PRKN: variants seen among roughly 807,000 people sequenced by gnomAD.
PRKN encodes E3 ubiquitin-protein ligase parkin.
A neutral mutation model predicts 59.5 loss-of-function variants in PRKN; 56 were observed. The observed-to-expected ratio is 0.94, with a 90% CI of 0.76 to 1.18. PRKN has a LOEUF of 1.18. Among genes scored for constraint, PRKN ranks in the 50% most tolerant of loss-of-function variants. The pLI, the probability that PRKN is intolerant of heterozygous loss-of-function variation, is 0.00. For missense variants in PRKN, 657 were observed against 596.4 expected (o/e 1.10, Z -1.06); for synonymous variants, 250 against 222.1 (o/e 1.13, Z -1.12).
chr6:162,261,159 A>T (rs1246374255), intron 3 of PRKN, among the ~76,000 whole-genome samples: 1 of 152,132 alleles, frequency 6.6e-6, no homozygotes, highest in Non-Finnish European at 1.5e-5. Flanking sequence ...CTTCTCAAGG[A>T]TCAGAGTCTC....
intron 2 of PRKN, among the ~76,000 whole-genome samples, chr6:162,306,814 A>G (rs572084897): frequency 3.9e-5 from 6 of 152,274 alleles, no homozygotes; most frequent in Admixed American, 3.9e-4. Flanking sequence ...CAGAGCTAAG[A>G]GCAACTGTTT....
chr6:162,481,919 AAATT>A (rs1179795074), intron 1 of PRKN, among the ~76,000 whole-genome samples: 1 of 152,264 alleles, frequency 6.6e-6, no homozygotes, highest in Admixed American at 6.5e-5. Context: ...CCTCAGACTG[AAATT>A]ATTATAACAT....
chr6:162,136,531 C>T (rs750495515), intron 4 of PRKN, among the ~76,000 whole-genome samples: 5 of 152,088 alleles, frequency 3.3e-5, no homozygotes, highest in Non-Finnish European at 7.3e-5. Context: ...CTAGAATTTA[C>T]CAGGTATGTA....
chr6:162,666,109 AG>A (rs1779090677), intron 1 of PRKN, among the ~76,000 whole-genome samples: 1 of 152,208 alleles, frequency 6.6e-6, no homozygotes, highest in Non-Finnish European at 1.5e-5. Flanking sequence ...AATACCATTC[AG>A]GACATAGGCA....
chr6:162,505,495 G>A (rs894937018), intron 1 of PRKN, among the ~76,000 whole-genome samples: 5 of 152,096 alleles, frequency 3.3e-5, no homozygotes, highest in African/African-American at 4.8e-5. Flanking sequence ...GCTGGCAGTG[G>A]GACGCAGCAA....
chr6:162,679,109 T>TATTTATTTATTTATTTATGA (rs780065550), intron 1 of PRKN, among the ~76,000 whole-genome samples: 1 of 148,412 alleles, frequency 6.7e-6, no homozygotes, highest in East Asian at 1.9e-4. Flanking sequence ...TTTATTTATT[T>TATTTATTTATTTATTTATGA]ATGAATGAAT....
At chr6:161,667,175 C>T (rs916220282) in intron 7 of PRKN, among the ~76,000 whole-genome samples, 9 of 152,188 alleles carry the variant, frequency 5.9e-5, no homozygotes, top group African/African-American at 2.2e-4. Context: ...ATAGAAAACT[C>T]AGCAGGAGTT....
chr6:161,979,307 CT>C (rs1231496035), intron 5 of PRKN, among the ~76,000 whole-genome samples: 16 of 152,174 alleles, frequency 1.1e-4, no homozygotes, highest in Non-Finnish European at 1.3e-4. Context: ...CGGTCTCCCC[CT>C]GTAACCCAGG....
At chr6:162,354,457 A>G (rs1784759320) in intron 2 of PRKN, among the ~76,000 whole-genome samples, 1 of 152,078 alleles carries the variant, frequency 6.6e-6, no homozygotes, top group Admixed American at 6.6e-5. Flanking sequence ...GAGTAATATA[A>G]CAGATTATAG....
rs552016129 is a variant in PRKN, at chr6:161,703,244, C to G, written c.871+82528G>C. 4.9e-4 allele frequency among the ~76,000 whole-genome samples: 75 copies of G among 152,182 alleles called. 1 individual carries two copies. Among genetic ancestry groups the G allele is most frequent in the African/African-American group, 1.8e-3 (74 of 41,542 alleles). On this transcript the variant is annotated intron_variant, in intron 7 of 11. Transcript: ENST00000366898. Reference sequence around the variant, plus strand: ...TCTTGAGCCTAGGAGTTTGAGGCTACAGTGAGCCATGATCACTCCAGCCAG... The same window carrying G: ...TCTTGAGCCTAGGAGTTTGAGGCTAGAGTGAGCCATGATCACTCCAGCCAG...
intron 1 of PRKN, among the ~76,000 whole-genome samples, chr6:162,482,575 C>G (rs1792355900): frequency 6.6e-6 from 1 of 152,082 alleles, no homozygotes; most frequent in Admixed American, 6.5e-5. Flanking sequence ...ATATTGGAAT[C>G]AAAAGTAACT....
chr6:161,424,089 C>T (rs1279271606), intron 9 of PRKN, among the ~76,000 whole-genome samples: 1 of 152,130 alleles, frequency 6.6e-6, no homozygotes, highest in African/African-American at 2.4e-5. Flanking sequence ...GTAATCCCAG[C>T]ACTTTCGGAG....
At chr6:162,642,225 A>G (rs1329152263) in intron 1 of PRKN, among the ~76,000 whole-genome samples, 3 of 152,168 alleles carry the variant, frequency 2.0e-5, no homozygotes, top group African/African-American at 7.2e-5. Context: ...AAAATACACA[A>G]CACATACCTT....
At chr6:161,829,113 C>T (rs1792368706) in intron 6 of PRKN, among the ~76,000 whole-genome samples, 1 of 152,088 alleles carries the variant, frequency 6.6e-6, no homozygotes, top group Non-Finnish European at 1.5e-5. Context: ...GTAATCCCAG[C>T]TACTTGGGAG....
intron 1 of PRKN, among the ~76,000 whole-genome samples, chr6:162,468,888 T>C (rs1791570396): frequency 1.3e-5 from 2 of 152,194 alleles, no homozygotes; most frequent in East Asian, 1.9e-4. Context: ...ATGAGAATTT[T>C]AGGGGAAAAA....
At chr6:162,299,346 C>T (rs1035320761) in intron 2 of PRKN, among the ~76,000 whole-genome samples, 1 of 152,074 alleles carries the variant, frequency 6.6e-6, no homozygotes, top group Non-Finnish European at 1.5e-5. Flanking sequence ...GTGTCTCTCC[C>T]GGTGGGTAAG....
rs549463859 is a variant in PRKN, at chr6:161,942,867, C to G, written c.734+30435G>C. On this transcript the variant is annotated intron_variant, in intron 6 of 11. Transcript: ENST00000366898. Reference sequence around the variant, plus strand: ...AAGAGTAGGCAAAAAGAGAAAATAGCTGGAGTATCCAACAGGAGATATTTT... The same window carrying G: ...AAGAGTAGGCAAAAAGAGAAAATAGGTGGAGTATCCAACAGGAGATATTTT... 1.2e-4 allele frequency among the ~76,000 whole-genome samples: 19 copies of G among 152,158 alleles called. No homozygotes were observed. The South Asian group carries it at 2.5e-3, about 20-fold the overall frequency.
At chr6:162,405,712 G>T (rs1788025441) in intron 2 of PRKN, among the ~76,000 whole-genome samples, 1 of 152,106 alleles carries the variant, frequency 6.6e-6, no homozygotes, top group African/African-American at 2.4e-5. Context: ...GAGAGATACT[G>T]GCGTTGCAGG....
rs554111305 is a variant in PRKN, at chr6:162,522,154, G to A, written c.8-78681C>T. ...ATTTTGTTTTTTTGAGACAAGCTCT[G>A]GCTCTATCACCCAGGCTAGAGTGTA... On this transcript the variant is annotated intron_variant, in intron 1 of 11. Coordinates refer to ENST00000366898, the MANE Select transcript of PRKN (RefSeq NM_004562.3). Among the ~76,000 whole-genome samples the A allele has an allele frequency of 1.1e-4, 16 of 152,184 alleles. 1 individual carries two copies. The South Asian group carries it at 2.9e-3, about 28-fold the overall frequency.
Sources: allele counts gnomAD v4.1 joint callset (sites outside exome capture counted in the v4.1 genomes callset), GRCh38; gene constraint gnomAD v4.1.1; transcripts MANE v1.5; gene names NCBI Gene and HGNC (gene_info 2026-07-23, HGNC 2026-07-21).